Variants in PRKAG1 observed in about 807,000 individuals in gnomAD.
PRKAG1 encodes protein kinase AMP-activated non-catalytic subunit gamma 1.
In PRKAG1, 27 loss-of-function variants were observed where a neutral mutation model predicts 48.2. The observed-to-expected ratio is 0.56, with a 90% confidence interval of 0.41 to 0.77. The LOEUF (loss-of-function observed/expected upper bound fraction) is 0.77, where lower values mean the gene tolerates loss of function less well. PRKAG1 is among the 30% of genes least tolerant of loss of function. PRKAG1 has a pLI of 0.00. For synonymous variants in PRKAG1, 130 were observed against 147.7 expected (o/e 0.88, Z 0.87); for missense variants, 287 against 398.3 (o/e 0.72, Z 2.38).
chr12:49,012,024 A>G (rs1178047092), intron 2 of PRKAG1, among the ~76,000 whole-genome samples: 1 of 152,004 alleles, frequency 6.6e-6, no homozygotes, highest in Non-Finnish European at 1.5e-5. Context: ...CGCCCAGCTA[A>G]TTTTTTATTT....
intron 1 of PRKAG1, among the ~76,000 whole-genome samples, chr12:49,015,222 CAG>C (rs1941917442): frequency 7.8e-6 from 1 of 128,218 alleles, no homozygotes; most frequent in Non-Finnish European, 1.7e-5. Context: ...CATGATATAT[CAG>C]AGTCTCACAA....
Position 49,002,960 on chromosome 12 carries a change from A to C in PRKAG1, c.935T>G (p.Ile312Ser). 6.2e-7 allele frequency: 1 copy of C among 1,614,220 alleles called. No individual in the cohort carries two copies. The highest frequency in any genetic ancestry group is 8.5e-7 in the Non-Finnish European group (1 of 1,180,028). ...VVDENDVVKG[I>S]VSLSDILQAL... ...CTGCAGGATGTCAGACAGTGATACA[A>C]TTCCCTTGACCACATCATTTTCATC... The change falls in exon 12 of 12, where the codon ATT (isoleucine) becomes AGT (serine). Residue 312 changes from isoleucine to serine, a missense_variant. Physicochemically the swap from Ile to Ser is moderately radical, Grantham distance 142 (BLOSUM62 -2). Coordinates refer to ENST00000548065, the MANE Select transcript of PRKAG1 (RefSeq NM_002733.5).
intron 1 of PRKAG1, chr12:49,017,304 G>A (rs535374844): frequency 3.0e-5 from 13 of 434,400 alleles, no homozygotes; most frequent in Admixed American, 1.6e-4. Flanking sequence ...TGGATCAAGC[G>A]ATCCTCCCAC....
At chr12:49,011,374 C>A (rs1421342176) in intron 2 of PRKAG1, among the ~76,000 whole-genome samples, 1 of 151,826 alleles carries the variant, frequency 6.6e-6, no homozygotes, top group Non-Finnish European at 1.5e-5. Context: ...GGCTGGAGTG[C>A]AAAAAATTTT....
chr12:49,012,833 A>G, intron 2 of PRKAG1: 1 of 523,984 alleles, frequency 1.9e-6, no homozygotes, highest in Non-Finnish European at 3.4e-6. Flanking sequence ...TGTACCTCAG[A>G]TGTTTCTCTC....
chr12:49,010,079 T>G (rs1425659990), intron 2 of PRKAG1, among the ~76,000 whole-genome samples: 1 of 152,214 alleles, frequency 6.6e-6, no homozygotes, highest in African/African-American at 2.4e-5. Flanking sequence ...GGCAGTTTGC[T>G]TTTTCATTTT....
intron 8 of PRKAG1, chr12:49,004,259 G>A (rs1176246077): frequency 3.7e-6 from 2 of 545,252 alleles, no homozygotes; most frequent in Admixed American, 3.4e-5. Context: ...GCCTCTGCAC[G>A]CCAGCCTGGG....
chr12:49,007,696 ATT>A (rs569447907), intron 2 of PRKAG1, among the ~76,000 whole-genome samples: 6 of 146,828 alleles, frequency 4.1e-5, no homozygotes, highest in African/African-American at 1.5e-4. Context: ...GCTAGTTTCC[ATT>A]TTTTTTTTCA....
rs3832821 is a variant in PRKAG1 at position 49,004,813 on chromosome 12, CTGTGTGTGTGTG to C, written c.410+139_410+150del. On this transcript the variant is annotated intron_variant, in intron 7 of 11. Coordinates refer to ENST00000548065, the MANE Select transcript of PRKAG1 (RefSeq NM_002733.5). ...AGTGAGAATGAGAGAGAGAGAGAGA[CTGTGTGTGTGTG>C]TGTGTGTGTGTGTGTGTGTGTGTGT... 885 of 714,358 alleles carry C rather than the reference CTGTGTGTGTGTG, an allele frequency of 1.2e-3. 3 individuals carry two copies. The highest frequency in any genetic ancestry group is 4.9e-3 in the East Asian group (156 of 32,154). 44.3% of individuals were successfully genotyped at this position (714,358 alleles called of 1,614,324 possible). A position where few individuals can be genotyped will look rare whatever the true frequency, so the allele number is the denominator to read the frequency against.
rs774742503 is a variant in PRKAG1 at position 49,003,094 on chromosome 12, A to T, written c.888+50T>A. 1.1e-5 allele frequency: 17 copies of T among 1,612,540 alleles called. No homozygotes were observed. In the Admixed American group the frequency reaches 2.7e-4, roughly 25 times the overall value. ...GCCCCTACTCTCCTTGCCAAACCCC[A>T]CTCTCAAGGCTGCTCCCCTCAGCTC... On this transcript the variant is annotated intron_variant, in intron 11 of 11. Coordinates refer to ENST00000548065, the MANE Select transcript of PRKAG1 (RefSeq NM_002733.5).
intron 1 of PRKAG1, among the ~76,000 whole-genome samples, chr12:49,015,433 G>GT (rs1014477166): frequency 4.0e-4 from 61 of 152,142 alleles, no homozygotes; most frequent in African/African-American, 1.4e-3. Flanking sequence ...CAGTTGTTTT[G>GT]TTTTTTAATT....
chr12:49,004,039 C>T (rs566150529), intron 8 of PRKAG1, 117 bp from the exon 9 acceptor site: 4 of 1,399,408 alleles, frequency 2.9e-6, no homozygotes, highest in Non-Finnish European at 3.8e-6. Flanking sequence ...CCTATAATCC[C>T]AGCACTTTGG....
At chr12:49,014,510 G>A (rs889627995) in intron 1 of PRKAG1, among the ~76,000 whole-genome samples, 5 of 152,252 alleles carry the variant, frequency 3.3e-5, no homozygotes, top group Admixed American at 3.3e-4. Context: ...ACTAGGCATA[G>A]TTGTAGGCAC....
rs1002603942 is a variant in PRKAG1, at chr12:49,002,371, C to G, written c.*528G>C. On this transcript the variant is annotated 3_prime_UTR_variant, in exon 12 of 12. Transcript: ENST00000548065. ...CCTCCTCCACCTAACCCCCATCTCC[C>G]TTCATATGCACAAACACAGGAACCC... 1 of 205,806 alleles carries G rather than the reference C, an allele frequency of 4.9e-6. No homozygotes were observed. The highest frequency in any genetic ancestry group is 2.3e-5 in the African/African-American group (1 of 42,988). The allele number at this position is 205,806 out of a possible 1,614,324, so 12.7% of individuals were successfully genotyped here.
At chr12:49,016,579 A>G (rs1669560136) in intron 1 of PRKAG1, 1 of 152,560 alleles carries the variant, frequency 6.6e-6, no homozygotes, top group African/African-American at 2.4e-5. Context: ...CCAATATCAC[A>G]GCCTTAATTT....
chr12:49,012,137 A>G (rs1018189198), intron 2 of PRKAG1, among the ~76,000 whole-genome samples: 2 of 151,922 alleles, frequency 1.3e-5, no homozygotes, highest in Admixed American at 1.3e-4. Flanking sequence ...GAATACAGTC[A>G]TGAATCACCA....
chr12:49,018,709 G>A (rs200865193), intron 1 of PRKAG1, 23 bp downstream of exon 1: 98 of 1,613,272 alleles, frequency 6.1e-5, no homozygotes, highest in Non-Finnish European at 7.9e-5. Flanking sequence ...CAGCGCCCCC[G>A]ACCGCCCTCC....
chr12:49,013,242 C>G (rs1941830850), intron 1 of PRKAG1, 132 bp from the exon 2 acceptor site: 1 of 776,542 alleles, frequency 1.3e-6, no homozygotes, highest in African/African-American at 1.9e-5. Context: ...CCCGCCAAAC[C>G]CTTTTTTTTT....
At chr12:49,006,657 A>G (rs2137660513) in intron 2 of PRKAG1, among the ~76,000 whole-genome samples, 2 of 152,344 alleles carry the variant, frequency 1.3e-5, no homozygotes, top group Admixed American at 1.3e-4. Context: ...GCTACATACT[A>G]TACTACGTGC....
Sources: gnomAD v4.1 joint callset for allele counts (sites outside exome capture counted in the v4.1 genomes callset) on GRCh38, gnomAD v4.1.1 for gene constraint, MANE v1.5 for transcripts, NCBI Gene and HGNC (gene_info 2026-07-23, HGNC 2026-07-21) for gene names.